Variants in MITF observed in about 807,000 individuals in gnomAD.
The protein encoded by MITF is melanocyte inducing transcription factor.
Under a neutral mutation model 60.5 loss-of-function variants are expected in MITF, and 17 were observed. The observed-to-expected ratio is 0.28, with a 90% CI of 0.19 to 0.42. The LOEUF is 0.42. MITF is among the 10% of genes least tolerant of loss of function. The pLI, the probability that MITF is intolerant of heterozygous loss-of-function variation, is 1.00. For synonymous variants in MITF, 260 were observed against 248.5 expected (o/e 1.05, Z -0.43); for missense variants, 622 against 683.5 (o/e 0.91, Z 1.00).
chr3:69,744,453 T>G (rs1703646409), intron 1 of MITF, among the ~76,000 whole-genome samples: 1 of 152,178 alleles, frequency 6.6e-6, no homozygotes, highest in Admixed American at 6.5e-5. Context: ...TTGGGCAGGC[T>G]GGGTGACGTC....
intron 1 of MITF, among the ~76,000 whole-genome samples, chr3:69,797,568 C>G (rs2062851880): frequency 6.6e-6 from 1 of 152,024 alleles, no homozygotes; most frequent in South Asian, 2.1e-4. Context: ...ATTTAGAGAG[C>G]CCATTTCACT....
intron 1 of MITF, among the ~76,000 whole-genome samples, chr3:69,844,362 C>G (rs1272325797): frequency 6.6e-6 from 1 of 152,136 alleles, no homozygotes; most frequent in Non-Finnish European, 1.5e-5. Context: ...CAAAAACAAG[C>G]AATGGGGAAA....
At position 69,964,978 on chromosome 3, in the gene MITF, G is replaced by T; in HGVS notation, c.1311G>T (p.Gln437His). The T allele has an allele frequency of 6.2e-7, 1 of 1,614,082 alleles. No individual in the cohort carries two copies. The highest frequency in any genetic ancestry group is 8.5e-7 in the Non-Finnish European group (1 of 1,180,004). ...AGAACTGCAGCCAAGACCTCCTTCA[G>T]CATCATGCAGACCTAACCTGTACAA... ...VLENCSQDLL[Q>H]HHADLTCTTT... The change falls in exon 10 of 10, where the codon CAG becomes CAT. Residue 437 changes from glutamine (Q) to histidine (H), a missense_variant. Gln to His is a conservative substitution (Grantham distance 24, BLOSUM62 0). This residue lies in a region of MITF where 224 missense variants were observed against 209.5 expected (regional missense o/e 1.07). Transcript: ENST00000352241.
intron 1 of MITF, among the ~76,000 whole-genome samples, chr3:69,827,776 A>G (rs2063380384): frequency 6.6e-6 from 1 of 151,960 alleles, no homozygotes; most frequent in Non-Finnish European, 1.5e-5. Flanking sequence ...AAATCAGCAA[A>G]CTGGCAATGC....
rs1288952937 is a variant in MITF, at chr3:69,964,557, TGCAGA to T, written c.1180-289_1180-285del. ...GTTCACAGTAAAATTGAAATGAAGC[TGCAGA>T]TATTTCCCATACACCTCATTCCCCC... is the stretch of plus-strand genomic sequence containing the variant. On this transcript the variant is annotated intron_variant, in intron 9 of 9. Transcript: ENST00000352241. Among the ~76,000 whole-genome samples, 17 of 134,220 alleles carry T rather than the reference TGCAGA, an allele frequency of 1.3e-4. 7 individuals carry two copies. Among genetic ancestry groups the T allele is most frequent in the South Asian group, 4.9e-4 (2 of 4,042 alleles). The allele number at this position is 134,220 out of a possible 152,430, so 88.1% of individuals were successfully genotyped here. A position where few individuals can be genotyped will look rare whatever the true frequency, so the allele number is the denominator to read the frequency against.
intron 1 of MITF, among the ~76,000 whole-genome samples, chr3:69,794,943 AC>A (rs1482780359): frequency 6.6e-6 from 1 of 152,230 alleles, no homozygotes; most frequent in Admixed American, 6.5e-5. Context: ...AGTAGTTTGT[AC>A]TTTTTGATGC....
intron 1 of MITF, among the ~76,000 whole-genome samples, chr3:69,779,295 G>A (rs1243062662): frequency 6.6e-6 from 1 of 152,192 alleles, no homozygotes; most frequent in African/African-American, 2.4e-5. Context: ...TGGGATAAGA[G>A]CAGGAGACAG....
At chr3:69,817,945 C>G (rs906485994) in intron 1 of MITF, among the ~76,000 whole-genome samples, 3 of 152,100 alleles carry the variant, frequency 2.0e-5, no homozygotes, top group African/African-American at 4.8e-5. Context: ...TAAAGTTATA[C>G]TTAGGAGTCC....
In MITF at chr3:69,802,388, C is replaced by A. The variant is rs1241827404; in HGVS notation, c.104+62687C>A. On this transcript the variant is annotated intron_variant, in intron 1 of 9. Coordinates refer to ENST00000352241, the MANE Select transcript of MITF (RefSeq NM_001354604.2). ...AATTCGAATTCTTTTCTGATTCGTGCGTTTAGATGTTCTCCCTGAAGCTAT... is the reference window on the plus strand; with the variant it reads ...AATTCGAATTCTTTTCTGATTCGTGAGTTTAGATGTTCTCCCTGAAGCTAT... Among the ~76,000 whole-genome samples the A allele has an allele frequency of 2.6e-5, 4 of 152,252 alleles. No individual in the cohort carries two copies. In the South Asian group the frequency reaches 8.3e-4, roughly 32 times the overall value.
intron 1 of MITF, among the ~76,000 whole-genome samples, chr3:69,753,375 C>T (rs1356423566): frequency 6.6e-6 from 1 of 152,204 alleles, no homozygotes; most frequent in Non-Finnish European, 1.5e-5. Flanking sequence ...GGGGCAGAGC[C>T]CTCATAAAGA....
intron 2 of MITF, among the ~76,000 whole-genome samples, chr3:69,935,657 A>G (rs746743681): frequency 6.6e-6 from 1 of 152,204 alleles, no homozygotes; most frequent in Admixed American, 6.6e-5. Flanking sequence ...TTAGCTTAAC[A>G]TAACATTTGT....
chr3:69,946,422 C>T (rs1405381576), intron 5 of MITF, among the ~76,000 whole-genome samples: 1 of 152,132 alleles, frequency 6.6e-6, no homozygotes, highest in African/African-American at 2.4e-5. Flanking sequence ...TGGTTAATAT[C>T]AGCATGTTGA....
At chr3:69,938,269 A>G in intron 3 of MITF, 1 of 1,288,862 alleles carries the variant, frequency 7.8e-7, no homozygotes, top group Non-Finnish European at 1.1e-6. Context: ...GCCCTCTCCA[A>G]GTGAAATGTG....
intron 1 of MITF, among the ~76,000 whole-genome samples, chr3:69,810,013 G>A (rs189080438): frequency 6.6e-6 from 1 of 152,234 alleles, no homozygotes. Flanking sequence ...GGTGAGGAAG[G>A]ATGTTGTTAG....
At chr3:69,906,788 G>A (rs1261486305) in intron 2 of MITF, among the ~76,000 whole-genome samples, 1 of 152,144 alleles carries the variant, frequency 6.6e-6, no homozygotes. Context: ...TTTGTTTATT[G>A]TGTAATATGC....
chr3:69,875,627 G>A (rs1483654502), intron 1 of MITF, among the ~76,000 whole-genome samples: 1 of 152,194 alleles, frequency 6.6e-6, no homozygotes, highest in Admixed American at 6.5e-5. Flanking sequence ...ATCATTAGTA[G>A]CTTCAGCATC....
rs1304545786 is a variant in MITF, at chr3:69,929,466, A to C, written c.355-8356A>C. 2.0e-5 allele frequency among the ~76,000 whole-genome samples: 3 copies of C among 152,134 alleles called. No homozygotes were observed. In the East Asian group the frequency reaches 5.8e-4, roughly 29 times the overall value. On this transcript the variant is annotated intron_variant, in intron 2 of 9. Transcript: ENST00000352241. ...GTGGAGAACTAACAAGCTAGTGTGGATTTCTGAACACCATACCCAGAGATT... is the reference window on the plus strand; with the variant it reads ...GTGGAGAACTAACAAGCTAGTGTGGCTTTCTGAACACCATACCCAGAGATT...
At chr3:69,870,372 G>A (rs1032985875) in intron 1 of MITF, among the ~76,000 whole-genome samples, 6 of 147,788 alleles carry the variant, frequency 4.1e-5, no homozygotes, top group Non-Finnish European at 5.9e-5. Context: ...GTATATATAC[G>A]TGTGTGTGTA....
chr3:69,844,318 A>G (rs2063692643), intron 1 of MITF, among the ~76,000 whole-genome samples: 1 of 152,218 alleles, frequency 6.6e-6, no homozygotes, highest in South Asian at 2.1e-4. Flanking sequence ...ATAATGCCAG[A>G]CATCTACAAC....
Sources: gnomAD v4.1 joint callset for allele counts (sites outside exome capture counted in the v4.1 genomes callset) on GRCh38, gnomAD v4.1.1 for gene constraint, gnomAD v4.1.1 regional missense constraint, MANE v1.5 for transcripts, NCBI Gene and HGNC (gene_info 2026-07-23, HGNC 2026-07-21) for gene names.